ZNF462: variants seen among roughly 807,000 people sequenced by gnomAD.
ZNF462 encodes the protein zinc finger PBX1-interacting protein.
A neutral mutation model predicts 201.9 loss-of-function variants in ZNF462; 10 were observed. The ratio of observed to expected loss-of-function variants is 0.05; its 90% CI spans 0.03 to 0.08. The LOEUF is 0.08. Ranked by LOEUF, ZNF462 falls within the 10% of genes least tolerant of loss-of-function variation. The pLI, the probability that ZNF462 is intolerant of heterozygous loss-of-function variation, is 1.00. For synonymous variants in ZNF462, 1,227 were observed against 1,193.3 expected, an observed-to-expected ratio of 1.03 and a Z score of -0.58; for missense variants, 2,523 against 3,168.3, an observed-to-expected ratio of 0.80 and a Z score of 4.89.
rs1827836315 is a variant in ZNF462 at position 106,876,506 on chromosome 9, G to A, written c.-31+13151G>A. Among the ~76,000 whole-genome samples, 1 of 152,138 alleles carries A rather than the reference G, an allele frequency of 6.6e-6. No homozygotes were observed. Among genetic ancestry groups the A allele is most frequent in the Non-Finnish European group, 1.5e-5 (1 of 68,036 alleles). On this transcript the variant is annotated intron_variant, in intron 1 of 12. Transcript: ENST00000277225. This position sits in a 1 kb window ranked among gnomAD's most constrained non-coding sequence, Gnocchi z 4.9. ...CTGATGAGTAGTCTTTGCTGCAGTT[G>A]TCCATTCCCAGCTAGACTTTATTAC...
intron 7 of ZNF462, among the ~76,000 whole-genome samples, chr9:106,969,208 G>T (rs1832216329): frequency 6.6e-6 from 1 of 151,988 alleles, no homozygotes; most frequent in South Asian, 2.1e-4. Context: ...CAATAAACCT[G>T]TCCATCTGAT....
rs374167214 is a variant in ZNF462, at chr9:106,943,059, C to CGCGCGCGCGT, written c.6427+3953_6427+3954insCGCGCGCGTG. On this transcript the variant is annotated intron_variant, in intron 7 of 12. Transcript: ENST00000277225. ...GTAACATAGTTTTGTTTTGCGCGCG[C>CGCGCGCGCGT]GTGTGTGTGTGTGTGTGTGTGTGTG... 8.9e-4 allele frequency among the ~76,000 whole-genome samples: 128 copies of CGCGCGCGCGT among 143,242 alleles called. 1 individual carries two copies. The highest frequency in any genetic ancestry group is 3.2e-3 in the African/African-American group (123 of 37,946). The allele number at this position is 143,242 out of a possible 152,430, so 94.0% of individuals were successfully genotyped here. A position where few individuals can be genotyped will look rare whatever the true frequency, so the allele number is the denominator to read the frequency against.
rs1182551492 is a variant in ZNF462 at position 106,895,074 on chromosome 9, A to C, written c.-30-28280A>C. ...GAATACCATTAGCATAGGTTGATGC[A>C]CTGCTTCTGAGTACCCTTTGTTTAA... On this transcript the variant is annotated intron_variant, in intron 1 of 12. Transcript: ENST00000277225. The surrounding 1 kb of genome is among the most constrained non-coding windows in gnomAD (Gnocchi z 4.4). Among the ~76,000 whole-genome samples, 1 of 152,180 alleles carries C rather than the reference A, an allele frequency of 6.6e-6. No individual in the cohort carries two copies. The highest frequency in any genetic ancestry group is 1.5e-5 in the Non-Finnish European group (1 of 68,036).
Position 106,974,598 on chromosome 9 carries a change from C to T in ZNF462, c.6832+325C>T, listed in dbSNP as rs1029732328. ...GCGTAGACTGCATAGAAGGAATGAA[C>T]AAGAAACAAAATGGGTGGGTGAAAG... On this transcript the variant is annotated intron_variant, in intron 9 of 12. Transcript: ENST00000277225. The surrounding 1 kb of genome is among the most constrained non-coding windows in gnomAD (Gnocchi z 4.0). 5 of 369,732 alleles carry T rather than the reference C, an allele frequency of 1.4e-5. No individual in the cohort carries two copies. Among genetic ancestry groups the T allele is most frequent in the African/African-American group, 1.0e-4 (5 of 48,556 alleles). The allele number at this position is 369,732 out of a possible 1,614,324, so 22.9% of individuals were successfully genotyped here. A position where few individuals can be genotyped will look rare whatever the true frequency, so the allele number is the denominator to read the frequency against.
In ZNF462 at chr9:106,865,815, T is replaced by C. The variant is rs762630526; in HGVS notation, c.-31+2460T>C. 3.3e-5 allele frequency among the ~76,000 whole-genome samples: 5 copies of C among 152,204 alleles called. No individual in the cohort carries two copies. The highest frequency in any genetic ancestry group is 7.3e-5 in the Non-Finnish European group (5 of 68,030). ...CATGTAGGAAGACATTTTGTGAGGA[T>C]AATTTGAAAAAAGGACCCAGTGCTA... is the stretch of plus-strand genomic sequence containing the variant. On this transcript the variant is annotated intron_variant, in intron 1 of 12. Coordinates refer to ENST00000277225, the MANE Select transcript of ZNF462 (RefSeq NM_021224.6). The surrounding 1 kb of genome is among the most constrained non-coding windows in gnomAD (Gnocchi z 4.1).
chr9:106,905,593 C>A lies in ZNF462; in HGVS notation c.-30-17761C>A, dbSNP rs938778366. On this transcript the variant is annotated intron_variant, in intron 1 of 12. Coordinates refer to ENST00000277225, the MANE Select transcript of ZNF462 (RefSeq NM_021224.6). This position sits in a 1 kb window ranked among gnomAD's most constrained non-coding sequence, Gnocchi z 5.9. Reference sequence around the variant, plus strand: ...TTAGACTCTCCTTGGGCAGGTCTTGCTGCGGCTGCTGTGGGAGATGAGGGT... The same window carrying A: ...TTAGACTCTCCTTGGGCAGGTCTTGATGCGGCTGCTGTGGGAGATGAGGGT... Among the ~76,000 whole-genome samples the A allele has an allele frequency of 2.0e-5, 3 of 152,132 alleles. No individual in the cohort carries two copies. The highest frequency in any genetic ancestry group is 4.4e-5 in the Non-Finnish European group (3 of 68,014).
In ZNF462 at chr9:106,984,640, C is replaced by G. The variant is rs1301825253; in HGVS notation, c.7056+231C>G. ...CACCCATAATTCTACCACACTAGTCCAAATGCTGAACATTTCTGGTCTGTT... is the reference window on the plus strand; with the variant it reads ...CACCCATAATTCTACCACACTAGTCGAAATGCTGAACATTTCTGGTCTGTT... On this transcript the variant is annotated intron_variant, in intron 10 of 12. Transcript: ENST00000277225. This position sits in a 1 kb window ranked among gnomAD's most constrained non-coding sequence, Gnocchi z 6.4. 6.6e-6 allele frequency among the ~76,000 whole-genome samples: 1 copy of G among 152,172 alleles called. No individual in the cohort carries two copies. The highest frequency in any genetic ancestry group is 1.5e-5 in the Non-Finnish European group (1 of 68,022).
At chr9:106,911,904 A>G (rs1223506894) in intron 1 of ZNF462, among the ~76,000 whole-genome samples, 1 of 152,236 alleles carries the variant, frequency 6.6e-6, no homozygotes, top group Non-Finnish European at 1.5e-5. Flanking sequence ...AGATAAATTA[A>G]TATATTAGTA....
At chr9:106,992,939 T>A (rs1271146811) in intron 10 of ZNF462, among the ~76,000 whole-genome samples, 1 of 152,136 alleles carries the variant, frequency 6.6e-6, no homozygotes, top group East Asian at 1.9e-4. Flanking sequence ...ACGTTCATCC[T>A]GAGAACAGTT....
In ZNF462 at chr9:106,929,474, GTCC is replaced by G; in HGVS notation, c.5564_5566del (p.Ser1855del). The G allele has an allele frequency of 6.2e-7, 1 of 1,614,162 alleles. No individual in the cohort carries two copies. The highest frequency in any genetic ancestry group is 1.1e-5 in the South Asian group (1 of 91,088). The stretch of plus-strand genomic sequence containing the variant: ...TCCGCTGCATCAAATGCTTCAAGCT[GTCC>G]TTTAGCACTGCAGAGCTGCTGTGCA... On this transcript the variant is annotated inframe_deletion, in exon 3 of 13. Transcript: ENST00000277225. This position sits in a 1 kb window ranked among gnomAD's most constrained non-coding sequence, Gnocchi z 8.7.
At chr9:106,887,345 G>A (rs556110766) in intron 1 of ZNF462, among the ~76,000 whole-genome samples, 36 of 152,150 alleles carry the variant, frequency 2.4e-4, no homozygotes, top group African/African-American at 8.7e-4. Context: ...CATCCTCCTA[G>A]GCCATCTACT....
rs1830762712 is a variant in ZNF462 at position 106,939,250 on chromosome 9, G to A, written c.6427+143G>A. On this transcript the variant is annotated intron_variant, in intron 7 of 12. Transcript: ENST00000277225. ...GGAAGAAATATGAAAAAGTTGAAAT[G>A]GTGTGGAAGTTGGAGTGGGAAGGGG... 5 of 927,402 alleles carry A rather than the reference G, an allele frequency of 5.4e-6. No individual in the cohort carries two copies. The East Asian group carries it at 8.2e-5, about 15-fold the overall frequency. 57.4% of individuals were successfully genotyped at this position (927,402 alleles called of 1,614,324 possible).
chr9:106,906,976 T>C (rs1435748785), intron 1 of ZNF462, among the ~76,000 whole-genome samples: 2 of 152,224 alleles, frequency 1.3e-5, no homozygotes, highest in African/African-American at 4.8e-5. Flanking sequence ...TACTTTAATT[T>C]TTCTAATGTT....
chr9:106,862,469 C>T (rs1477055718), upstream of ZNF462, among the ~76,000 whole-genome samples: 1 of 152,084 alleles, frequency 6.6e-6, no homozygotes, highest in African/African-American at 2.4e-5. This position sits in a 1 kb window ranked among gnomAD's most constrained non-coding sequence, Gnocchi z 4.2. Context: ...CCGGCGGCCG[C>T]GCTCCTCGCA....
At chr9:106,906,814 C>T (rs192870469) in intron 1 of ZNF462, among the ~76,000 whole-genome samples, 13 of 152,310 alleles carry the variant, frequency 8.5e-5, no homozygotes, top group East Asian at 1.9e-4. Flanking sequence ...CTTGGGCCCA[C>T]GCCTAGATAA....
At chr9:106,873,418 T>C (rs1243673332) in intron 1 of ZNF462, among the ~76,000 whole-genome samples, 2 of 149,214 alleles carry the variant, frequency 1.3e-5, no homozygotes, top group African/African-American at 4.9e-5. Context: ...GCTGGTGACT[T>C]TTTTTTTTTG....
intron 7 of ZNF462, among the ~76,000 whole-genome samples, chr9:106,943,585 T>C (rs1336646932): frequency 3.3e-5 from 5 of 152,210 alleles, no homozygotes; most frequent in Non-Finnish European, 7.3e-5. Flanking sequence ...TGCTTCTCTC[T>C]ACTAGTCCAT....
chr9:106,944,821 C>T (rs1159126059), intron 7 of ZNF462, among the ~76,000 whole-genome samples: 2 of 152,106 alleles, frequency 1.3e-5, no homozygotes, highest in African/African-American at 4.8e-5. Context: ...TCTTTCTGTG[C>T]CGGCTTATTG....
rs191795126 is a variant in ZNF462 at position 106,951,804 on chromosome 9, A to G, written c.6427+12697A>G. On this transcript the variant is annotated intron_variant, in intron 7 of 12. Coordinates refer to ENST00000277225, the MANE Select transcript of ZNF462 (RefSeq NM_021224.6). ...TCCGGCACTCTCACCCTGGGGAAGC[A>G]TCCAGATGTTCCATGGAACCTCTTC... Among the ~76,000 whole-genome samples, 23 of 150,630 alleles carry G rather than the reference A, an allele frequency of 1.5e-4. 2 individuals carry two copies. In the East Asian group the frequency reaches 3.3e-3, roughly 22 times the overall value.
Sources: allele counts gnomAD v4.1 joint callset (sites outside exome capture counted in the v4.1 genomes callset), GRCh38; gene constraint gnomAD v4.1.1; non-coding constraint Gnocchi (gnomAD v3.1); transcripts MANE v1.5; gene names NCBI Gene and HGNC (gene_info 2026-07-23, HGNC 2026-07-21).